The following SRGAP1 variants were observed in gnomAD, a reference collection of about 807,000 sequenced individuals.
SRGAP1 encodes SLIT-ROBO Rho GTPase-activating protein 1.
In SRGAP1, 43 loss-of-function variants were observed where a neutral mutation model predicts 121.9. The observed-to-expected ratio is 0.35, with a 90% CI of 0.28 to 0.46. The LOEUF (loss-of-function observed/expected upper bound fraction) is 0.46. SRGAP1 is among the 20% of genes least tolerant of loss of function. SRGAP1 has a pLI of 1.00. For missense variants in SRGAP1, 1,102 were observed against 1,350.9 expected (o/e 0.82, Z 2.89); for synonymous variants, 447 against 485.4 (o/e 0.92, Z 1.04).
intron 1 of SRGAP1, among the ~76,000 whole-genome samples, chr12:63,972,800 A>G (rs1466284531): frequency 6.6e-6 from 1 of 152,196 alleles, no homozygotes; most frequent in Non-Finnish European, 1.5e-5. Context: ...AGTTTTAGGC[A>G]TTTAGCTAGT....
At chr12:64,053,309 G>A (rs1305301922) in intron 6 of SRGAP1, among the ~76,000 whole-genome samples, 4 of 152,154 alleles carry the variant, frequency 2.6e-5, no homozygotes, top group Non-Finnish European at 5.9e-5. Flanking sequence ...GTAAGCAAAC[G>A]GGTGTGGTTG....
intron 1 of SRGAP1, among the ~76,000 whole-genome samples, chr12:63,969,856 ACT>A (rs2032894190): frequency 6.6e-6 from 1 of 151,516 alleles, no homozygotes; most frequent in Non-Finnish European, 1.5e-5. Flanking sequence ...ACAGACCAAA[ACT>A]CTCTTGAAAT....
At chr12:64,077,055 G>A (rs1349774425) in intron 8 of SRGAP1, among the ~76,000 whole-genome samples, 1 of 152,050 alleles carries the variant, frequency 6.6e-6, no homozygotes, top group Non-Finnish European at 1.5e-5. Context: ...GAAATTCCAG[G>A]CAGAATATAT....
At chr12:63,995,217 T>C (rs974833692) in intron 3 of SRGAP1, among the ~76,000 whole-genome samples, 5 of 152,236 alleles carry the variant, frequency 3.3e-5, no homozygotes, top group African/African-American at 1.2e-4. Context: ...TAAATACATG[T>C]ACAATATAAT....
chr12:63,925,564 T>G (rs1332013512), intron 1 of SRGAP1, among the ~76,000 whole-genome samples: 1 of 152,212 alleles, frequency 6.6e-6, no homozygotes, highest in African/African-American at 2.4e-5. Flanking sequence ...GAGGGAAGTG[T>G]TAACATTTAT....
chr12:64,033,587 G>A (rs576684792), intron 4 of SRGAP1, among the ~76,000 whole-genome samples: 9 of 152,088 alleles, frequency 5.9e-5, no homozygotes, highest in Admixed American at 2.6e-4. Flanking sequence ...GCATGGTGGC[G>A]AATGCCTGTT....
chr12:64,072,547 A>G (rs1418500352), intron 8 of SRGAP1, among the ~76,000 whole-genome samples: 1 of 152,108 alleles, frequency 6.6e-6, no homozygotes, highest in Non-Finnish European at 1.5e-5. Flanking sequence ...AAATTTGGAT[A>G]CAGAGACACA....
chr12:64,064,152 A>G (rs774695229), intron 7 of SRGAP1, among the ~76,000 whole-genome samples: 1 of 152,192 alleles, frequency 6.6e-6, no homozygotes, highest in Non-Finnish European at 1.5e-5. Context: ...TATCACAGAC[A>G]AATGACATCA....
chr12:63,992,134 C>T (rs376559422), intron 3 of SRGAP1, among the ~76,000 whole-genome samples: 15 of 152,034 alleles, frequency 9.9e-5, no homozygotes, highest in African/African-American at 1.4e-4. Flanking sequence ...GACCAGGGAT[C>T]GTATGGGAGT....
chr12:64,131,711 A>T (rs540655271), intron 21 of SRGAP1, among the ~76,000 whole-genome samples: 11 of 152,222 alleles, frequency 7.2e-5, no homozygotes, highest in Admixed American at 6.5e-4. Flanking sequence ...CATATATACC[A>T]CTTCCATTTG....
intron 4 of SRGAP1, among the ~76,000 whole-genome samples, chr12:64,019,178 C>T (rs2034485173): frequency 6.6e-6 from 1 of 152,126 alleles, no homozygotes; most frequent in Admixed American, 6.6e-5. Context: ...AATAGAGTGT[C>T]CTGAAAATTT....
At chr12:63,870,295 C>T (rs760268248) in intron 1 of SRGAP1, among the ~76,000 whole-genome samples, 9 of 151,704 alleles carry the variant, frequency 5.9e-5, no homozygotes, top group African/African-American at 2.2e-4. Flanking sequence ...TTAGAAAAAG[C>T]GGTTTGGGTA....
At chr12:63,882,449 G>A (rs999102501) in intron 1 of SRGAP1, among the ~76,000 whole-genome samples, 7 of 151,744 alleles carry the variant, frequency 4.6e-5, no homozygotes, top group Non-Finnish European at 8.8e-5. Flanking sequence ...GCCTGGCTAA[G>A]TTTTTGTATT....
rs575154266 is a variant in SRGAP1, at chr12:63,926,504, G to T, written c.68-57443G>T. The stretch of plus-strand genomic sequence containing the variant: ...AAGTCTGTGCTCTGCCTGCCTTCTG[G>T]GTAGGGCTCAAGTCTTCTTTTTGTT... On this transcript the variant is annotated intron_variant, in intron 1 of 21. Transcript: ENST00000355086. Among the ~76,000 whole-genome samples the T allele has an allele frequency of 7.2e-5, 11 of 151,926 alleles. No homozygotes were observed. The East Asian group carries it at 1.7e-3, about 24-fold the overall frequency.
chr12:64,023,747 G>A (rs1017844419), intron 4 of SRGAP1, among the ~76,000 whole-genome samples: 2 of 152,196 alleles, frequency 1.3e-5, no homozygotes, highest in African/African-American at 4.8e-5. Context: ...AGGAAATGAA[G>A]ATATATCCAG....
rs1297562528 is a variant in SRGAP1, at chr12:64,016,962, G to A, written c.439G>A (p.Ala147Thr). 1.3e-6 allele frequency: 2 copies of A among 1,533,988 alleles called. No individual in the cohort carries two copies. Among genetic ancestry groups the A allele is most frequent in the Admixed American group, 3.4e-5 (2 of 58,438 alleles). Residue 147 changes from alanine to threonine, a missense_variant, in exon 4 of 22, where the codon GCA (alanine) becomes ACA (threonine). Coordinates refer to ENST00000355086, the MANE Select transcript of SRGAP1 (RefSeq NM_020762.4). ...TTTCTAATTACAGAGCAAAGAGATT[G>A]CATTCCAACTTCATGAGGATTTAAT... ...TRMFKKSKEI[A>T]FQLHEDLMKV...
chr12:63,946,654 C>G (rs2032059200), intron 1 of SRGAP1, among the ~76,000 whole-genome samples: 1 of 151,346 alleles, frequency 6.6e-6, no homozygotes, highest in Admixed American at 6.6e-5. Flanking sequence ...AGCAATTCTT[C>G]TGCCTCAGCC....
chr12:63,881,261 C>T (rs192880910), intron 1 of SRGAP1, among the ~76,000 whole-genome samples: 6 of 152,300 alleles, frequency 3.9e-5, no homozygotes, highest in Admixed American at 3.9e-4. Flanking sequence ...TGATGCATTA[C>T]AGTAAGCCAT....
chr12:64,080,402 C>T lies in SRGAP1; in HGVS notation c.1408+32C>T, dbSNP rs778390417. On this transcript the variant is annotated intron_variant, in intron 10 of 21. Transcript: ENST00000355086. ...TATCCAAAATGTATGGGAAGATGAC[C>T]TGGATGATACATCGTATCATGTATA... is the stretch of plus-strand genomic sequence containing the variant. 4.8e-6 allele frequency: 7 copies of T among 1,464,070 alleles called. No individual in the cohort carries two copies. In the South Asian group the frequency reaches 6.9e-5, roughly 14 times the overall value. The allele number at this position is 1,464,070 out of a possible 1,614,324, so 90.7% of individuals were successfully genotyped here.
Sources: allele counts gnomAD v4.1 joint callset (sites outside exome capture counted in the v4.1 genomes callset), GRCh38; gene constraint gnomAD v4.1.1; transcripts MANE v1.5; gene names NCBI Gene and HGNC (gene_info 2026-07-23, HGNC 2026-07-21).